Variants in CUBN observed in about 807,000 individuals in gnomAD.
CUBN encodes cubilin.
In CUBN, 282 loss-of-function variants were observed where a neutral mutation model predicts 405.3. The observed-to-expected ratio is 0.70, with a 90% CI of 0.63 to 0.77. The LOEUF (loss-of-function observed/expected upper bound fraction) is 0.77. Ranked by LOEUF, CUBN falls within the 30% of genes least tolerant of loss-of-function variation. The pLI is 0.00. For synonymous variants in CUBN, 1,684 were observed against 1,617.0 expected (o/e 1.04, Z -0.99); for missense variants, 4,514 against 4,475.2 (o/e 1.01, Z -0.25).
intron 60 of CUBN, among the ~76,000 whole-genome samples, chr10:16,847,929 T>C (rs1839568221): frequency 1.3e-5 from 2 of 152,186 alleles, no homozygotes; most frequent in African/African-American, 4.8e-5. Context: ...GTCCCATTTA[T>C]CACAGAAAAA....
intron 62 of CUBN, among the ~76,000 whole-genome samples, chr10:16,839,809 A>T (rs1027129717): frequency 1.3e-5 from 2 of 152,018 alleles, no homozygotes; most frequent in African/African-American, 4.8e-5. Flanking sequence ...AAGACTTGGA[A>T]CCATCCCAAA....
chr10:17,029,784 A>C (rs1312010182), intron 27 of CUBN, among the ~76,000 whole-genome samples: 1 of 152,156 alleles, frequency 6.6e-6, no homozygotes, highest in African/African-American at 2.4e-5. Flanking sequence ...ACAAAATCTC[A>C]TCTGCTTCTC....
intron 3 of CUBN, 38 bp from the exon 4 acceptor site, chr10:17,126,837 C>G: frequency 6.2e-7 from 1 of 1,609,822 alleles, no homozygotes; most frequent in African/African-American, 1.3e-5. Context: ...TTAGCTGGTT[C>G]AAAGGCATTG....
At chr10:17,103,553 T>C (rs1836548309) in intron 12 of CUBN, among the ~76,000 whole-genome samples, 1 of 152,230 alleles carries the variant, frequency 6.6e-6, no homozygotes, top group Non-Finnish European at 1.5e-5. Flanking sequence ...TCTTTAACTC[T>C]TGTATCTGTT....
At chr10:16,874,791 G>T (rs958561455) in intron 57 of CUBN, among the ~76,000 whole-genome samples, 2 of 152,080 alleles carry the variant, frequency 1.3e-5, no homozygotes, top group African/African-American at 4.8e-5. Context: ...TGAAAATGAC[G>T]AGCAGGAACA....
rs1842888822 is a variant in CUBN at position 16,950,077 on chromosome 10, T to C, written c.5004A>G (p.Glu1668=). Residue 1668 remains glutamate, a synonymous_variant, in exon 34 of 67, where the codon GAA becomes GAG. Transcript: ENST00000377833. ...NHITLSFTHF[E]LERSTTCARD... is the part of the protein sequence containing the mutation. Reference sequence around the variant, plus strand: ...GTGCACACGTTGTGCTTCTTTCAAGTTCAAAGTGGGTAAAAGAGAGGGTGA... The same window carrying C: ...GTGCACACGTTGTGCTTCTTTCAAGCTCAAAGTGGGTAAAAGAGAGGGTGA... The C allele has an allele frequency of 6.2e-7, 1 of 1,613,848 alleles. No homozygotes were observed. Among genetic ancestry groups the C allele is most frequent in the Non-Finnish European group, 8.5e-7 (1 of 1,179,978 alleles).
In CUBN at chr10:16,925,421, T is replaced by G; in HGVS notation, c.6466A>C (p.Arg2156=). Reference sequence around the variant, plus strand: ...GGAGAACAGATATCAGGACCATTTCTTAGCTGGAAAGACAAATTAAAATTT... The same window carrying G: ...GGAGAACAGATATCAGGACCATTTCGTAGCTGGAAAGACAAATTAAAATTT... ...SCNQGDYLVL[R]NGPDICSPPL... The change falls in exon 43 of 67, where the codon AGA becomes CGA. Residue 2156 remains arginine (R), a synonymous_variant. Transcript: ENST00000377833. The G allele has an allele frequency of 1.2e-6, 2 of 1,613,850 alleles. No individual in the cohort carries two copies. Among genetic ancestry groups the G allele is most frequent in the Middle Eastern group, 1.7e-4 (1 of 6,058 alleles).
At position 17,064,130 on chromosome 10, in the gene CUBN, C is replaced by T. The variant is rs184729363; in HGVS notation, c.3139+1378G>A. 3.9e-3 allele frequency among the ~76,000 whole-genome samples: 592 copies of T among 152,318 alleles called. 3 individuals are homozygous for T. The highest frequency in any genetic ancestry group is 0.014 in the African/African-American group (567 of 41,562). On this transcript the variant is annotated intron_variant, in intron 22 of 66. Transcript: ENST00000377833. Reference sequence around the variant, plus strand: ...ATTGTAACTGCCAGGGATTCCATTTCGCATGTGCTTGCACTTGAGCTGGAT... The same window carrying T: ...ATTGTAACTGCCAGGGATTCCATTTTGCATGTGCTTGCACTTGAGCTGGAT...
chr10:17,083,576 C>G (rs573696713), intron 17 of CUBN, among the ~76,000 whole-genome samples: 1 of 127,018 alleles, frequency 7.9e-6, no homozygotes, highest in South Asian at 2.6e-4. Context: ...CAATGCACTT[C>G]AACTAAGTCT....
Position 16,915,941 on chromosome 10 carries a change from C to G in CUBN, c.7090G>C (p.Glu2364Gln), listed in dbSNP as rs764136897. The G allele has an allele frequency of 3.7e-6, 6 of 1,614,108 alleles. No individual in the cohort carries two copies. In the East Asian group the frequency reaches 1.1e-4, roughly 30 times the overall value. ...TLPYRDNLFC[E>Q]WHLQGLSGHY... ...CCAGAGAGCCCCTGGAGATGCCACT[C>G]ACAGAATAAGTTGTCTCTGTATGGA... The change falls in exon 46 of 67, where the codon GAG becomes CAG. Residue 2364 changes from glutamate (E) to glutamine (Q), a missense_variant. Glu to Gln is a conservative substitution (Grantham distance 29). Coordinates refer to ENST00000377833, the MANE Select transcript of CUBN (RefSeq NM_001081.4).
intron 60 of CUBN, among the ~76,000 whole-genome samples, chr10:16,847,901 AT>A (rs922557245): frequency 6.6e-6 from 1 of 151,408 alleles, no homozygotes; most frequent in African/African-American, 2.4e-5. Flanking sequence ...CTAAAAAAAA[AT>A]CTAAAAGGAA....
Position 16,990,526 on chromosome 10 carries a change from A to T in CUBN, c.4169-11T>A. On this transcript the variant is annotated splice_polypyrimidine_tract_variant and intron_variant, in intron 28 of 66. Coordinates refer to ENST00000377833, the MANE Select transcript of CUBN (RefSeq NM_001081.4). ...GCTCTCCACCACAACCTGTTAAAAC[A>T]GAAAGGTTCAGTCAGTTCAAAGTGG... is the stretch of plus-strand genomic sequence containing the variant. 1.2e-6 allele frequency: 2 copies of T among 1,613,886 alleles called. No individual in the cohort carries two copies. The highest frequency in any genetic ancestry group is 1.7e-6 in the Non-Finnish European group (2 of 1,179,946).
chr10:17,110,327 G>C (rs1836742179), intron 9 of CUBN, among the ~76,000 whole-genome samples: 3 of 152,200 alleles, frequency 2.0e-5, no homozygotes, highest in Admixed American at 2.0e-4. Context: ...CAATGGAACA[G>C]TAAGTCTGTG....
intron 52 of CUBN, 107 bp downstream of exon 52, chr10:16,901,231 A>T: frequency 6.8e-7 from 1 of 1,473,600 alleles, no homozygotes; most frequent in Non-Finnish European, 9.5e-7. Flanking sequence ...TGTAGAATCA[A>T]AGCCTTCTCT....
At chr10:16,962,524 A>G (rs959042364) in intron 31 of CUBN, among the ~76,000 whole-genome samples, 1 of 152,010 alleles carries the variant, frequency 6.6e-6, no homozygotes, top group Non-Finnish European at 1.5e-5. Context: ...CCTCTGTGTA[A>G]TCTCCTCCCT....
Position 16,941,250 on chromosome 10 carries a change from C to A in CUBN, c.5343-1013G>T, listed in dbSNP as rs1281520465. On this transcript the variant is annotated intron_variant, in intron 36 of 66. Coordinates refer to ENST00000377833, the MANE Select transcript of CUBN (RefSeq NM_001081.4). ...TTCAATCCATGGTGCCAAGACAAAT[C>A]AAGGGGAAAACTCATTTTAACAAAT... is the stretch of plus-strand genomic sequence containing the variant. 2.0e-5 allele frequency among the ~76,000 whole-genome samples: 3 copies of A among 151,580 alleles called. No individual in the cohort carries two copies. In the South Asian group the frequency reaches 6.2e-4, roughly 31 times the overall value.
rs193122011 is a variant in CUBN, at chr10:16,980,938, T to A, written c.4695+1546A>T. Reference sequence around the variant, plus strand: ...AAATAGAACTTCATTCACTCTTATATGAAGCGCAAAGCATTAGTTTCAGGT... The same window carrying A: ...AAATAGAACTTCATTCACTCTTATAAGAAGCGCAAAGCATTAGTTTCAGGT... On this transcript the variant is annotated intron_variant, in intron 31 of 66. Coordinates refer to ENST00000377833, the MANE Select transcript of CUBN (RefSeq NM_001081.4). Among the ~76,000 whole-genome samples the A allele has an allele frequency of 2.8e-4, 42 of 152,112 alleles. No homozygotes were observed. The East Asian group carries it at 7.5e-3, about 27-fold the overall frequency.
intron 27 of CUBN, among the ~76,000 whole-genome samples, chr10:17,027,469 CCACCAAATATT>C (rs1834698210): frequency 6.6e-6 from 1 of 152,102 alleles, no homozygotes; most frequent in Non-Finnish European, 1.5e-5. Context: ...GAAATCAATA[CCACCAAATATT>C]AGTAATAATG....
chr10:16,884,999 A>G (rs1056293807), intron 56 of CUBN, among the ~76,000 whole-genome samples: 9 of 152,190 alleles, frequency 5.9e-5, no homozygotes, highest in African/African-American at 9.7e-5. Flanking sequence ...GGCTCCCTCA[A>G]TAAAGCTATG....
Sources: allele counts gnomAD v4.1 joint callset (sites outside exome capture counted in the v4.1 genomes callset), GRCh38; gene constraint gnomAD v4.1.1; transcripts MANE v1.5; gene names NCBI Gene and HGNC (gene_info 2026-07-23, HGNC 2026-07-21).